STK32B: variants seen among roughly 807,000 people sequenced by gnomAD.
STK32B encodes the protein serine/threonine kinase 32B.
Under a neutral mutation model 52.6 loss-of-function variants are expected in STK32B, and 43 were observed. The ratio of observed to expected loss-of-function variants is 0.82; its 90% CI spans 0.64 to 1.05. STK32B has a LOEUF of 1.05. Ranked by LOEUF, STK32B falls within the 50% of genes least tolerant of loss-of-function variation. STK32B has a pLI of 0.00. For missense variants in STK32B, 621 were observed against 534.6 expected, an observed-to-expected ratio of 1.16 and a Z score of -1.59; for synonymous variants, 238 against 204.3, an observed-to-expected ratio of 1.17 and a Z score of -1.41.
At chr4:5,496,463 C>T (rs2108735294) in intron 11 of STK32B, among the ~76,000 whole-genome samples, 2 of 152,208 alleles carry the variant, frequency 1.3e-5, no homozygotes, top group South Asian at 2.1e-4. Flanking sequence ...ACCCGATTTT[C>T]CAGGTGCCAT....
intron 2 of STK32B, among the ~76,000 whole-genome samples, chr4:5,157,757 A>G (rs139345110): frequency 6.6e-6 from 1 of 152,320 alleles, no homozygotes; most frequent in Admixed American, 6.5e-5. Flanking sequence ...AGCTTATTAA[A>G]CAGTTTTGAC....
At chr4:5,327,488 T>G (rs1163784680) in intron 3 of STK32B, among the ~76,000 whole-genome samples, 1 of 151,918 alleles carries the variant, frequency 6.6e-6, no homozygotes, top group Admixed American at 6.6e-5. Context: ...TGTTTTATCA[T>G]GAAAACAACA....
chr4:5,336,251 G>A (rs1178077695), intron 4 of STK32B, among the ~76,000 whole-genome samples: 2 of 151,314 alleles, frequency 1.3e-5, no homozygotes, highest in Admixed American at 1.3e-4. Context: ...TGATTTCAAT[G>A]GGAATGTGAC....
chr4:5,043,512 A>T, the STK32B span, among the ~76,000 whole-genome samples: 1 of 152,230 alleles, frequency 6.6e-6, no homozygotes, highest in East Asian at 1.9e-4. Context: ...GACACCCAGA[A>T]CACCTGTAAA....
intron 3 of STK32B, among the ~76,000 whole-genome samples, chr4:5,195,956 A>G (rs1480012776): frequency 1.3e-5 from 2 of 152,252 alleles, no homozygotes; most frequent in African/African-American, 4.8e-5. Flanking sequence ...AAACATACAT[A>G]TATATGAAAC....
chr4:5,494,869 A>C (rs1720081539), intron 11 of STK32B, among the ~76,000 whole-genome samples: 2 of 152,196 alleles, frequency 1.3e-5, no homozygotes, highest in Non-Finnish European at 2.9e-5. Context: ...TTCTGGGTTG[A>C]AAATTCTTTT....
chr4:5,136,878 C>T (rs1320567778), intron 1 of STK32B, among the ~76,000 whole-genome samples: 1 of 152,180 alleles, frequency 6.6e-6, no homozygotes, highest in Non-Finnish European at 1.5e-5. Context: ...GCCGTGTGCT[C>T]AAAGTCATCT....
chr4:5,259,391 A>G (rs1320572032), intron 3 of STK32B, among the ~76,000 whole-genome samples: 1 of 152,208 alleles, frequency 6.6e-6, no homozygotes, highest in East Asian at 1.9e-4. Flanking sequence ...GCAGAGGCAG[A>G]GTAGCTTTGT....
intron 4 of STK32B, among the ~76,000 whole-genome samples, chr4:5,365,681 G>A (rs1026113348): frequency 1.8e-4 from 27 of 152,302 alleles, no homozygotes; most frequent in African/African-American, 2.6e-4. Flanking sequence ...GTGGAAGCAG[G>A]TGGCATTCTC....
chr4:5,191,051 A>G (rs113513690), intron 3 of STK32B, among the ~76,000 whole-genome samples: 131 of 152,292 alleles, frequency 8.6e-4, no homozygotes, highest in Middle Eastern at 3.4e-3. Context: ...GAGCCCAGCC[A>G]GTGGCATCTT....
At chr4:5,287,430 T>G (rs891114691) in intron 3 of STK32B, among the ~76,000 whole-genome samples, 1 of 152,282 alleles carries the variant, frequency 6.6e-6, no homozygotes, top group East Asian at 1.9e-4. Context: ...TAAAAGAAAC[T>G]CTTCAAGCCT....
chr4:5,445,454 A>G (rs774074890), intron 6 of STK32B, among the ~76,000 whole-genome samples: 2 of 152,140 alleles, frequency 1.3e-5, no homozygotes, highest in Non-Finnish European at 2.9e-5. Flanking sequence ...ATTTCACAAA[A>G]TGTTCCTGGA....
At chr4:5,136,767 T>C (rs1716104150) in intron 1 of STK32B, among the ~76,000 whole-genome samples, 1 of 152,194 alleles carries the variant, frequency 6.6e-6, no homozygotes, top group Non-Finnish European at 1.5e-5. Context: ...ATCAACCAAG[T>C]GTTAACTTTT....
chr4:5,463,746 G>T (rs961627329), intron 9 of STK32B, among the ~76,000 whole-genome samples: 1 of 152,110 alleles, frequency 6.6e-6, no homozygotes. Flanking sequence ...CTCTGGCTGT[G>T]CTGTCTCCTA....
At chr4:5,272,285 C>T (rs924186198) in intron 3 of STK32B, among the ~76,000 whole-genome samples, 3 of 148,344 alleles carry the variant, frequency 2.0e-5, no homozygotes, top group African/African-American at 5.1e-5. Context: ...GTCTTTGGCT[C>T]TGTTTATATG....
At chr4:5,468,887 A>G (rs888718811) in intron 11 of STK32B, among the ~76,000 whole-genome samples, 7 of 152,096 alleles carry the variant, frequency 4.6e-5, no homozygotes, top group Non-Finnish European at 7.4e-5. Context: ...CGTCTCTTCT[A>G]AAAATACAAA....
intron 11 of STK32B, among the ~76,000 whole-genome samples, chr4:5,493,577 C>A (rs1175740278): frequency 1.3e-5 from 2 of 152,052 alleles, no homozygotes; most frequent in Non-Finnish European, 2.9e-5. Context: ...TCTCTATTTC[C>A]TTCAGTTCTG....
At position 5,469,730 on chromosome 4, in the gene STK32B, C is replaced by G. The variant is rs1717709389; in HGVS notation, c.1106+1660C>G. Reference sequence around the variant, plus strand: ...CAGCAAGCCTCACCTGCTAGAGGACCACATGTTGGGGTCTCCCAGCTCTGG... The same window carrying G: ...CAGCAAGCCTCACCTGCTAGAGGACGACATGTTGGGGTCTCCCAGCTCTGG... On this transcript the variant is annotated intron_variant, in intron 11 of 11. Transcript: ENST00000282908. The surrounding 1 kb of genome is among the most constrained non-coding windows in gnomAD (Gnocchi z 4.7). Among the ~76,000 whole-genome samples the G allele has an allele frequency of 6.6e-6, 1 of 152,202 alleles. No individual in the cohort carries two copies. Among genetic ancestry groups the G allele is most frequent in the Non-Finnish European group, 1.5e-5 (1 of 68,034 alleles).
intron 11 of STK32B, among the ~76,000 whole-genome samples, chr4:5,480,689 G>C (rs1054787714): frequency 2.0e-5 from 3 of 151,806 alleles, no homozygotes; most frequent in Admixed American, 2.0e-4. Flanking sequence ...CCATTAACTC[G>C]TCATTTAACA....
Sources: gnomAD v4.1 joint callset for allele counts (sites outside exome capture counted in the v4.1 genomes callset) on GRCh38, gnomAD v4.1.1 for gene constraint, Gnocchi (gnomAD v3.1) non-coding constraint, MANE v1.5 for transcripts, NCBI Gene and HGNC (gene_info 2026-07-23, HGNC 2026-07-21) for gene names.